Variants in EFTUD2 observed in about 807,000 individuals in gnomAD.
The protein encoded by EFTUD2 is elongation factor Tu GTP binding domain containing 2.
A neutral mutation model predicts 114.3 loss-of-function variants in EFTUD2; 9 were observed. That is an observed-to-expected ratio of 0.08 (90% CI 0.05 to 0.14). The LOEUF (loss-of-function observed/expected upper bound fraction) is 0.14, where lower values mean the gene tolerates loss of function less well. Among genes scored for constraint, EFTUD2 ranks in the 10% least tolerant of loss-of-function variants. EFTUD2 has a pLI of 1.00. For synonymous variants in EFTUD2, 449 were observed against 462.3 expected (o/e 0.97, Z 0.37); for missense variants, 765 against 1,241.2 (o/e 0.62, Z 5.76).
At chr17:44,872,144 G>T (rs1198554344) in intron 11 of EFTUD2, among the ~76,000 whole-genome samples, 2 of 152,210 alleles carry the variant, frequency 1.3e-5, no homozygotes, top group African/African-American at 4.8e-5. Context: ...GAAAGTGCCT[G>T]TGGGCATGGA....
At chr17:44,859,234 C>G in intron 18 of EFTUD2, 53 bp from the exon 19 acceptor site, 1 of 1,308,412 alleles carries the variant, frequency 7.6e-7, no homozygotes, top group Non-Finnish European at 1.1e-6. Context: ...AGCAAAGGCA[C>G]ACACAAACAA....
At chr17:44,853,984 A>G in intron 23 of EFTUD2, 3 of 1,350,028 alleles carry the variant, frequency 2.2e-6, no homozygotes, top group Non-Finnish European at 2.8e-6. Context: ...AACCATTCCA[A>G]TCTCATCATC....
chr17:44,854,907 C>G lies in EFTUD2; in HGVS notation c.2132+11G>C, dbSNP rs1240065308. ...CTCCTTTCGACCCTGGCGTCAGAGC[C>G]CTGTTCTCACCTGTTCCACGTAATC... On this transcript the variant is annotated intron_variant, in intron 21 of 27. Coordinates refer to ENST00000426333, the MANE Select transcript of EFTUD2 (RefSeq NM_004247.4). The surrounding 1 kb of genome is among the most constrained non-coding windows in gnomAD (Gnocchi z 4.3). 3 of 1,613,726 alleles carry G rather than the reference C, an allele frequency of 1.9e-6. No homozygotes were observed. The highest frequency in any genetic ancestry group is 2.5e-6 in the Non-Finnish European group (3 of 1,179,656).
At chr17:44,883,749 AAG>A (rs1231570412) in intron 4 of EFTUD2, 25 bp from the exon 5 acceptor site, 1 of 1,611,938 alleles carries the variant, frequency 6.2e-7, no homozygotes, top group South Asian at 1.1e-5. Flanking sequence ...GAAAAGAGAA[AAG>A]AGAGATTGGC....
At chr17:44,851,873 C>T (rs1438708874) in intron 26 of EFTUD2, 56 bp from the exon 27 acceptor site, 35 of 1,448,266 alleles carry the variant, frequency 2.4e-5, no homozygotes, top group Non-Finnish European at 1.2e-5. Context: ...AGATTCAGGC[C>T]CAGAAGCAGG....
chr17:44,857,029 G>GGC (rs1308834347), intron 20 of EFTUD2, 46 bp downstream of exon 20: 1 of 1,498,042 alleles, frequency 6.7e-7, no homozygotes, highest in Admixed American at 1.7e-5. Context: ...AGGAGAGAGA[G>GGC]TGTCCAGGAG....
Position 44,852,663 on chromosome 17 carries a change from G to A in EFTUD2, c.2562-101C>T, listed in dbSNP as rs939089905. The A allele has an allele frequency of 8.7e-6, 12 of 1,386,890 alleles. No individual in the cohort carries two copies. The African/African-American group carries it at 1.6e-4, about 18-fold the overall frequency. 85.9% of individuals were successfully genotyped at this position (1,386,890 alleles called of 1,614,324 possible). On this transcript the variant is annotated intron_variant, in intron 25 of 27. Coordinates refer to ENST00000426333, the MANE Select transcript of EFTUD2 (RefSeq NM_004247.4). ...TCCCCCAAATGCATTCCAGCCCAGA[G>A]TTACCATCAAAGAAAGAGTAACCAA...
chr17:44,853,177 C>T (rs1272146564), intron 25 of EFTUD2, 119 bp downstream of exon 25: 14 of 1,038,354 alleles, frequency 1.3e-5, no homozygotes, highest in African/African-American at 6.4e-5. Flanking sequence ...AATCAGCTCT[C>T]GGGGTTTCCA....
rs769951643 is a variant in EFTUD2 at position 44,852,428 on chromosome 17, G to T, written c.2696C>A (p.Ser899Tyr). ...THTQGQAFSL[S>Y]VFHHWQIVPG... Reference sequence around the variant, plus strand: ...TCTCACCTGCCAGTGGTGGAAGACAGACAGAGAAAAGGCTTGTCCCTGGGT... The same window carrying T: ...TCTCACCTGCCAGTGGTGGAAGACATACAGAGAAAAGGCTTGTCCCTGGGT... The change falls in exon 26 of 28, where the codon TCT becomes TAT. Residue 899 changes from serine to tyrosine, a missense_variant. This residue lies in a region of EFTUD2 where 166 missense variants were observed against 401.5 expected (regional missense o/e 0.41). Coordinates refer to ENST00000426333, the MANE Select transcript of EFTUD2 (RefSeq NM_004247.4). 1 of 1,614,096 alleles carries T rather than the reference G, an allele frequency of 6.2e-7. No individual in the cohort carries two copies. Among genetic ancestry groups the T allele is most frequent in the South Asian group, 1.1e-5 (1 of 91,080 alleles).
At chr17:44,883,002 A>C in intron 6 of EFTUD2, 91 bp downstream of exon 6, 4 of 1,250,602 alleles carry the variant, frequency 3.2e-6, no homozygotes, top group Non-Finnish European at 3.4e-6. Flanking sequence ...CATTATTTAT[A>C]GAGAACAGGA....
At position 44,863,679 on chromosome 17, in the gene EFTUD2, C is replaced by G; in HGVS notation, c.1389G>C (p.Glu463Asp). 6.2e-7 allele frequency: 1 copy of G among 1,614,098 alleles called. No individual in the cohort carries two copies. The highest frequency in any genetic ancestry group is 1.3e-5 in the African/African-American group (1 of 75,052). Reference protein sequence around the residue: ...YTGGVDSDLGEAMSDCDPDGP... With the variant: ...YTGGVDSDLGDAMSDCDPDGP... ...CATCAGGGTCACAGTCACTCATAGC[C>G]TCGCCGAGGTCGGAGTCCACACCAC... The change falls in exon 15 of 28, where the codon GAG becomes GAC. Residue 463 changes from glutamate to aspartate, a missense_variant. This residue lies in a region of EFTUD2 where 59 missense variants were observed against 50.1 expected (regional missense o/e 1.18). Transcript: ENST00000426333.
chr17:44,859,310 C>A, intron 18 of EFTUD2, 129 bp from the exon 19 acceptor site: 1 of 703,362 alleles, frequency 1.4e-6, no homozygotes. Flanking sequence ...TCTGTTCCAG[C>A]CTCTTCAAGA....
intron 2 of EFTUD2, among the ~76,000 whole-genome samples, chr17:44,890,395 T>C (rs1008460166): frequency 8.6e-6 from 1 of 116,754 alleles, no homozygotes; most frequent in Non-Finnish European, 1.8e-5. Context: ...CTCAATATAA[T>C]TAAAAAAAAA....
Position 44,883,165 on chromosome 17 carries a change from G to C in EFTUD2, c.427-7C>G. On this transcript the variant is annotated splice_region_variant and splice_polypyrimidine_tract_variant and intron_variant, in intron 5 of 27. Coordinates refer to ENST00000426333, the MANE Select transcript of EFTUD2 (RefSeq NM_004247.4). ...AACAATCCACAAAACATGTCTAAAA[G>C]GGAAGAAACAGTTAACATCTGCCGA... 6.2e-7 allele frequency: 1 copy of C among 1,613,930 alleles called. No individual in the cohort carries two copies. The highest frequency in any genetic ancestry group is 8.5e-7 in the Non-Finnish European group (1 of 1,179,964).
rs755198623 is a variant in EFTUD2, at chr17:44,865,074, G to T, written c.1150-9C>A. Reference sequence around the variant, plus strand: ...TCCACGTCACCTACAACCTGTGAGGGTGTAAGACACCATGTCAGCTGTAGT... The same window carrying T: ...TCCACGTCACCTACAACCTGTGAGGTTGTAAGACACCATGTCAGCTGTAGT... On this transcript the variant is annotated splice_polypyrimidine_tract_variant and intron_variant, in intron 13 of 27. Coordinates refer to ENST00000426333, the MANE Select transcript of EFTUD2 (RefSeq NM_004247.4). 3.1e-6 allele frequency: 5 copies of T among 1,614,058 alleles called. No individual in the cohort carries two copies. The South Asian group carries it at 5.5e-5, about 18-fold the overall frequency.
rs766394225 is a variant in EFTUD2, at chr17:44,851,295, A to G, written c.2898T>C (p.Val966=). 1 of 1,614,218 alleles carries G rather than the reference A, an allele frequency of 6.2e-7. No individual in the cohort carries two copies. Among genetic ancestry groups the G allele is most frequent in the East Asian group, 2.2e-5 (1 of 44,884 alleles). ...PMLLELAKQD[V]VLNYPM Reference sequence around the variant, plus strand: ...GCACTCACATGGGGTAATTGAGCACAACATCCTGTTTGGCAAGTTCCAGCA... The same window carrying G: ...GCACTCACATGGGGTAATTGAGCACGACATCCTGTTTGGCAAGTTCCAGCA... Residue 966 remains valine, a synonymous_variant, in exon 28 of 28, where the codon GTT becomes GTC. Coordinates refer to ENST00000426333, the MANE Select transcript of EFTUD2 (RefSeq NM_004247.4).
chr17:44,894,557 G>C (rs766132353), intron 1 of EFTUD2, 32 bp from the exon 2 acceptor site: 2 of 1,559,922 alleles, frequency 1.3e-6, no homozygotes, highest in Admixed American at 3.3e-5. Context: ...GTTAGATTCT[G>C]ACAAGGTAAT....
intron 7 of EFTUD2, 83 bp downstream of exon 7, chr17:44,881,604 T>C (rs924075360): frequency 1.4e-6 from 2 of 1,448,850 alleles, no homozygotes; most frequent in African/African-American, 1.4e-5. Context: ...AATGCTATCA[T>C]AAAGGCTCCT....
intron 11 of EFTUD2, among the ~76,000 whole-genome samples, chr17:44,870,925 G>A (rs978810791): frequency 1.3e-5 from 2 of 152,086 alleles, no homozygotes; most frequent in Non-Finnish European, 2.9e-5. Context: ...GGCTGAGGCA[G>A]GAGAATCACT....
Sources: gnomAD v4.1 joint callset for allele counts (sites outside exome capture counted in the v4.1 genomes callset) on GRCh38, gnomAD v4.1.1 for gene constraint, gnomAD v4.1.1 regional missense constraint, Gnocchi (gnomAD v3.1) non-coding constraint, MANE v1.5 for transcripts, NCBI Gene and HGNC (gene_info 2026-07-23, HGNC 2026-07-21) for gene names.